ESRRG: variants seen among roughly 807,000 people sequenced by gnomAD.
ESRRG encodes the protein estrogen related receptor gamma, also known as estrogen-related receptor gamma.
Under a neutral mutation model 44.0 loss-of-function variants are expected in ESRRG, and 13 were observed. The observed-to-expected ratio is 0.30, with a 90% confidence interval of 0.19 to 0.47. ESRRG has a LOEUF of 0.47. ESRRG is among the 20% of genes least tolerant of loss of function. The pLI is 1.00. For synonymous variants in ESRRG, 215 were observed against 214.6 expected (o/e 1.00, Z -0.02); for missense variants, 395 against 580.6 (o/e 0.68, Z 3.29).
At position 216,748,775 on chromosome 1, in the gene ESRRG, C is replaced by T. The variant is rs183155401; in HGVS notation, c.-13-71284G>A. ...AATCAAGTGCTGTTATTGAGGCAGA[C>T]GACGCACAGAAAGCAAGTTCACATC... On this transcript the variant is annotated intron_variant, in intron 2 of 7. Coordinates refer to the ESRRG transcript ENST00000359162. 3.2e-3 allele frequency among the ~76,000 whole-genome samples: 485 copies of T among 152,222 alleles called. 3 individuals are homozygous for T. The highest frequency in any genetic ancestry group is 0.017 in the Middle Eastern group (5 of 294).
chr1:216,921,577 T>A (rs1337916442), intron 2 of ESRRG, among the ~76,000 whole-genome samples: 2 of 151,618 alleles, frequency 1.3e-5, no homozygotes, highest in African/African-American at 2.4e-5. Context: ...CCCAGACACC[T>A]AGGTGGCTGC....
chr1:216,882,521 G>A (rs1412903866), intron 2 of ESRRG, among the ~76,000 whole-genome samples: 1 of 152,194 alleles, frequency 6.6e-6, no homozygotes, highest in African/African-American at 2.4e-5. Context: ...AATACAGACT[G>A]TGTCCCAGTA....
At chr1:216,601,882 C>A (rs1454249469) in intron 3 of ESRRG, among the ~76,000 whole-genome samples, 1 of 152,040 alleles carries the variant, frequency 6.6e-6, no homozygotes, top group Non-Finnish European at 1.5e-5. Flanking sequence ...TAAAAAGTAC[C>A]CTACTTATCT....
intron 3 of ESRRG, among the ~76,000 whole-genome samples, chr1:216,637,092 G>T (rs1403991408): frequency 6.6e-6 from 1 of 152,124 alleles, no homozygotes; most frequent in African/African-American, 2.4e-5. Flanking sequence ...GAGCATGAAA[G>T]TGATGCTACA....
chr1:216,561,519 T>G (rs143162839), intron 5 of ESRRG, among the ~76,000 whole-genome samples: 5 of 152,244 alleles, frequency 3.3e-5, no homozygotes, highest in African/African-American at 1.2e-4. Flanking sequence ...TTCACTTTTA[T>G]CGAGGCAGAA....
At chr1:217,023,839 TA>T (rs1254914665) in intron 1 of ESRRG, among the ~76,000 whole-genome samples, 1 of 152,176 alleles carries the variant, frequency 6.6e-6, no homozygotes, top group Non-Finnish European at 1.5e-5. Flanking sequence ...CAGCCATCCC[TA>T]ACTGTCCATC....
At chr1:216,670,339 G>T (rs767349439) in intron 2 of ESRRG, among the ~76,000 whole-genome samples, 1 of 152,222 alleles carries the variant, frequency 6.6e-6, no homozygotes, top group Non-Finnish European at 1.5e-5. Flanking sequence ...CAGATCCAAG[G>T]GCTATGCCCG....
chr1:217,053,658 AT>A (rs1383948610), intron 1 of ESRRG, among the ~76,000 whole-genome samples: 1 of 152,156 alleles, frequency 6.6e-6, no homozygotes, highest in African/African-American at 2.4e-5. Flanking sequence ...GTTCCAAATA[AT>A]TTGCATGGCA....
intron 2 of ESRRG, among the ~76,000 whole-genome samples, chr1:216,667,618 G>A (rs1399548766): frequency 1.4e-5 from 2 of 148,070 alleles, no homozygotes; most frequent in East Asian, 2.0e-4. Flanking sequence ...TCCGGGAGGC[G>A]GAGTTTGCAG....
intron 2 of ESRRG, among the ~76,000 whole-genome samples, chr1:216,854,367 A>G (rs2095889391): frequency 2.0e-5 from 3 of 150,080 alleles, no homozygotes; most frequent in African/African-American, 7.3e-5. Flanking sequence ...AAAAAAAAAA[A>G]AAAAAAAAAA....
intron 2 of ESRRG, among the ~76,000 whole-genome samples, chr1:216,922,111 C>A (rs377256300): frequency 8.3e-4 from 127 of 152,268 alleles, no homozygotes; most frequent in African/African-American, 2.9e-3. Context: ...CACCATGGAC[C>A]TTGGGCACAC....
At chr1:217,034,099 T>C (rs973092459) in intron 1 of ESRRG, among the ~76,000 whole-genome samples, 2 of 152,242 alleles carry the variant, frequency 1.3e-5, no homozygotes, top group South Asian at 2.1e-4. Flanking sequence ...TTCTTTCATC[T>C]AGCTATGGCT....
At chr1:216,920,847 C>T (rs1286581325) in intron 2 of ESRRG, among the ~76,000 whole-genome samples, 2 of 152,134 alleles carry the variant, frequency 1.3e-5, no homozygotes, top group Non-Finnish European at 2.9e-5. Flanking sequence ...GCATCTCATT[C>T]GCTACATATG....
At chr1:216,803,457 T>C (rs957300097) in intron 2 of ESRRG, among the ~76,000 whole-genome samples, 4 of 152,098 alleles carry the variant, frequency 2.6e-5, no homozygotes, top group Middle Eastern at 6.3e-3. Flanking sequence ...TAAAATCCAC[T>C]TTTCCCACTT....
At chr1:216,553,988 C>T (rs760789404) in intron 5 of ESRRG, among the ~76,000 whole-genome samples, 1 of 152,094 alleles carries the variant, frequency 6.6e-6, no homozygotes, top group Non-Finnish European at 1.5e-5. Context: ...ACACAGCCTG[C>T]TTAGACTGTT....
At position 217,082,050 on chromosome 1, in the gene ESRRG, T is replaced by C. The variant is rs373694606; in HGVS notation, c.-106+7457A>G. Among the ~76,000 whole-genome samples, 4 of 152,212 alleles carry C rather than the reference T, an allele frequency of 2.6e-5. No individual in the cohort carries two copies. The East Asian group carries it at 7.7e-4, about 29-fold the overall frequency. On this transcript the variant is annotated intron_variant, in intron 1 of 7. Transcript: ENST00000359162. ...AGCACTGGCACTGCATACGTGAGAA[T>C]TGTCAGTCTCACTACCATCTTCTAT...
chr1:216,761,896 C>A (rs1314941336), intron 2 of ESRRG, among the ~76,000 whole-genome samples: 1 of 152,010 alleles, frequency 6.6e-6, no homozygotes, highest in African/African-American at 2.4e-5. Context: ...TGCTTTACAC[C>A]CTGAGGGTGT....
chr1:216,750,261 C>G (rs1023970705), intron 2 of ESRRG, among the ~76,000 whole-genome samples: 1 of 152,090 alleles, frequency 6.6e-6, no homozygotes, highest in African/African-American at 2.4e-5. Flanking sequence ...TCGGAGAGAA[C>G]AAAATCACTC....
intron 2 of ESRRG, among the ~76,000 whole-genome samples, chr1:216,888,838 G>C (rs2057397490): frequency 6.6e-6 from 1 of 152,146 alleles, no homozygotes; most frequent in African/African-American, 2.4e-5. Context: ...AAGTGGATCA[G>C]AGATATGATC....
Sources: allele counts gnomAD v4.1 joint callset (sites outside exome capture counted in the v4.1 genomes callset), GRCh38; gene constraint gnomAD v4.1.1; transcripts MANE v1.5; gene names NCBI Gene and HGNC (gene_info 2026-07-23, HGNC 2026-07-21).